Variants in DNAI4 observed in about 807,000 individuals in gnomAD.
DNAI4 encodes dynein axonemal intermediate chain 4.
A neutral mutation model predicts 105.8 loss-of-function variants in DNAI4; 85 were observed. That is an observed-to-expected ratio of 0.80 (90% CI 0.67 to 0.96). DNAI4 has a LOEUF of 0.96. DNAI4 is among the 40% of genes least tolerant of loss of function. The pLI is 0.00. For synonymous variants in DNAI4, 352 were observed against 331.5 expected (o/e 1.06, Z -0.67); for missense variants, 1,014 against 1,005.6 (o/e 1.01, Z -0.11).
intron 1 of DNAI4, among the ~76,000 whole-genome samples, chr1:66,905,849 T>TA (rs1649201707): frequency 6.6e-6 from 1 of 151,980 alleles, no homozygotes; most frequent in African/African-American, 2.4e-5. Context: ...TGCAGTTACA[T>TA]AGGCAGATTT....
In DNAI4 at chr1:66,893,350, C is replaced by T. The variant is rs1170547224; in HGVS notation, c.409G>A (p.Gly137Ser). Reference sequence around the variant, plus strand: ...AAGAGTTTACTTGGTTTTGCTGTACCAGTAAGTGGATCTGGATGGTAAAGA... The same window carrying T: ...AAGAGTTTACTTGGTTTTGCTGTACTAGTAAGTGGATCTGGATGGTAAAGA... ...RPLYHPDPLT[G>S]TAKPSKLLTS... Residue 137 changes from glycine to serine, a missense_variant, in exon 3 of 17, where the codon GGT (glycine) becomes AGT (serine). Gly to Ser is a moderately conservative substitution (Grantham distance 56). Coordinates refer to ENST00000371026, the MANE Select transcript of DNAI4 (RefSeq NM_024763.5). The T allele has an allele frequency of 2.5e-6, 4 of 1,607,088 alleles. No individual in the cohort carries two copies. In the African/African-American group the frequency reaches 4.0e-5, roughly 16 times the overall value.
chr1:66,871,327 T>C (rs780523158), intron 6 of DNAI4, 43 bp downstream of exon 6: 4 of 1,546,184 alleles, frequency 2.6e-6, no homozygotes, highest in Admixed American at 1.9e-5. Flanking sequence ...AAAAAATGTA[T>C]ATTAGAACAT....
chr1:66,823,150 T>C (rs1645671221), intron 15 of DNAI4, among the ~76,000 whole-genome samples: 2 of 129,180 alleles, frequency 1.5e-5, no homozygotes, highest in East Asian at 2.3e-4. Context: ...CGAGTGACAA[T>C]ATGCGGTGTT....
chr1:66,874,726 C>G (rs1646925000), intron 5 of DNAI4, 55 bp downstream of exon 5: 12 of 1,556,400 alleles, frequency 7.7e-6, no homozygotes, highest in Middle Eastern at 1.7e-4. Context: ...GGATAAGAAC[C>G]CTTGGCTTAG....
chr1:66,859,217 CA>C, intron 7 of DNAI4, among the ~76,000 whole-genome samples: 1 of 152,086 alleles, frequency 6.6e-6, no homozygotes, highest in African/African-American at 2.4e-5. Flanking sequence ...TGCTCAATAT[CA>C]CATTAGGGGG....
At chr1:66,913,283 G>T (rs1215096128) in intron 1 of DNAI4, among the ~76,000 whole-genome samples, 4 of 152,102 alleles carry the variant, frequency 2.6e-5, no homozygotes, top group Admixed American at 2.6e-4. Context: ...GGGGATTTTT[G>T]TTGTTGTTTG....
intron 6 of DNAI4, among the ~76,000 whole-genome samples, chr1:66,867,789 A>G (rs1334203748): frequency 1.3e-5 from 2 of 152,160 alleles, no homozygotes; most frequent in Non-Finnish European, 2.9e-5. Context: ...AAATATTAGT[A>G]TCTTATATCT....
At chr1:66,883,586 A>G (rs1472309175) in intron 4 of DNAI4, among the ~76,000 whole-genome samples, 1 of 152,144 alleles carries the variant, frequency 6.6e-6, no homozygotes, top group East Asian at 1.9e-4. Flanking sequence ...CCCAATCTGC[A>G]TGAACTTTAT....
intron 4 of DNAI4, among the ~76,000 whole-genome samples, chr1:66,875,251 T>A (rs984719719): frequency 2.6e-5 from 4 of 152,186 alleles, no homozygotes; most frequent in African/African-American, 4.8e-5. Context: ...CTGTTGGTAC[T>A]ACTCAAGAAT....
chr1:66,816,580 T>C (rs910009367), intron 16 of DNAI4, among the ~76,000 whole-genome samples: 1 of 152,172 alleles, frequency 6.6e-6, no homozygotes, highest in Middle Eastern at 3.2e-3. Context: ...TTTTTGTTGT[T>C]GTTTAATCTC....
At position 66,814,143 on chromosome 1, in the gene DNAI4, T is replaced by C. The variant is rs775693384; in HGVS notation, c.2534A>G (p.Asn845Ser). Residue 845 changes from asparagine to serine, a missense_variant, in exon 17 of 17, where the codon AAC (asparagine) becomes AGC (serine). Asn to Ser is a conservative substitution (Grantham distance 46, BLOSUM62 1). Coordinates refer to ENST00000371026, the MANE Select transcript of DNAI4 (RefSeq NM_024763.5). ...IMDTLLGSKS[N>S]QSA ...AGGAATGATGAATTATGCTGATTGGTTTGACTTGGATCCAAGCAAAGTATC... is the reference window on the plus strand; with the variant it reads ...AGGAATGATGAATTATGCTGATTGGCTTGACTTGGATCCAAGCAAAGTATC... 6.3e-7 allele frequency: 1 copy of C among 1,590,706 alleles called. No homozygotes were observed. Among genetic ancestry groups the C allele is most frequent in the Non-Finnish European group, 8.5e-7 (1 of 1,177,100 alleles).
At chr1:66,828,034 G>T in intron 13 of DNAI4, 124 bp from the exon 14 acceptor site, 1 of 539,820 alleles carries the variant, frequency 1.9e-6, no homozygotes, top group Non-Finnish European at 3.3e-6. Flanking sequence ...ACACTATCTT[G>T]AATATACCAA....
chr1:66,920,102 C>CA (rs1229679780), intron 1 of DNAI4, among the ~76,000 whole-genome samples: 9 of 152,168 alleles, frequency 5.9e-5, no homozygotes, highest in Non-Finnish European at 1.2e-4. Context: ...CCCGCCCTGT[C>CA]CCACTATCCT....
chr1:66,821,662 C>A (rs1645629419), intron 16 of DNAI4, among the ~76,000 whole-genome samples: 1 of 151,796 alleles, frequency 6.6e-6, no homozygotes. Flanking sequence ...TTGTGAATGA[C>A]CTGTTCCTGA....
At chr1:66,880,025 C>G (rs1426820999) in intron 4 of DNAI4, among the ~76,000 whole-genome samples, 1 of 151,372 alleles carries the variant, frequency 6.6e-6, no homozygotes, top group Non-Finnish European at 1.5e-5. Context: ...ATGAGTCTCA[C>G]AAGGTCTGAT....
intron 6 of DNAI4, chr1:66,870,748 C>CAAAAAA (rs1184105731): frequency 5.4e-4 from 9 of 16,598 alleles, no homozygotes; most frequent in Admixed American, 1.3e-3. Context: ...GACTCTGACG[C>CAAAAAA]AAAAAAAAAA....
intron 11 of DNAI4, among the ~76,000 whole-genome samples, chr1:66,834,876 C>T (rs1021230944): frequency 6.6e-6 from 1 of 152,088 alleles, no homozygotes; most frequent in South Asian, 2.1e-4. Flanking sequence ...AAGGCCTATG[C>T]TTACAAAACT....
chr1:66,898,803 G>A (rs940404782), intron 2 of DNAI4, among the ~76,000 whole-genome samples: 4 of 152,098 alleles, frequency 2.6e-5, no homozygotes, highest in South Asian at 4.1e-4. Context: ...CCAGCCCTAC[G>A]CCACCACTAG....
rs146147431 is a variant in DNAI4 at position 66,836,125 on chromosome 1, CAGAA to C, written c.1582-352_1582-349del. Reference sequence around the variant, plus strand: ...GGGCAACATAACAAGACCCTCATCTCAGAAAGAAAGAAAGAAAAGAAAGAAAGAA... The same window carrying C: ...GGGCAACATAACAAGACCCTCATCTCAGAAAGAAAGAAAAGAAAGAAAGAA... On this transcript the variant is annotated intron_variant, in intron 10 of 16. Coordinates refer to ENST00000371026, the MANE Select transcript of DNAI4 (RefSeq NM_024763.5). Among the ~76,000 whole-genome samples, 325 of 91,826 alleles carry C rather than the reference CAGAA, an allele frequency of 3.5e-3. 1 individual carries two copies. The highest frequency in any genetic ancestry group is 0.014 in the African/African-American group (303 of 22,178). The allele number at this position is 91,826 out of a possible 152,430, so 60.2% of individuals were successfully genotyped here.
Sources: allele counts gnomAD v4.1 joint callset (sites outside exome capture counted in the v4.1 genomes callset), GRCh38; gene constraint gnomAD v4.1.1; transcripts MANE v1.5; gene names NCBI Gene and HGNC (gene_info 2026-07-23, HGNC 2026-07-21).